The following ISCA1 variants were observed in gnomAD, a reference collection of about 807,000 sequenced individuals.
The protein encoded by ISCA1 is iron-sulfur cluster assembly 1 homolog, mitochondrial.
In ISCA1, 9 loss-of-function variants were observed where a neutral mutation model predicts 14.7. That is an observed-to-expected ratio of 0.61 (90% CI 0.37 to 1.07). The LOEUF (loss-of-function observed/expected upper bound fraction) is 1.07, where lower values mean the gene tolerates loss of function less well. Ranked by LOEUF, ISCA1 falls within the 50% of genes least tolerant of loss-of-function variation. The pLI is 0.01. For synonymous variants in ISCA1, 38 were observed against 54.3 expected, an observed-to-expected ratio of 0.70 and a Z score of 1.32; for missense variants, 102 against 150.1, an observed-to-expected ratio of 0.68 and a Z score of 1.67.
chr9:86,269,916 C>A (rs537265138), intron 3 of ISCA1, among the ~76,000 whole-genome samples: 8 of 152,304 alleles, frequency 5.3e-5, no homozygotes, highest in Non-Finnish European at 1.0e-4. Context: ...TGGATCCCTT[C>A]CTTACACCTT....
intron 1 of ISCA1, among the ~76,000 whole-genome samples, chr9:86,280,624 A>G (rs1333730199): frequency 6.7e-6 from 1 of 149,136 alleles, no homozygotes; most frequent in Non-Finnish European, 1.5e-5. Flanking sequence ...AGAAATTCTG[A>G]AGGAAGAGGT....
chr9:86,282,012 C>T (rs1054625411), intron 1 of ISCA1: 3 of 215,878 alleles, frequency 1.4e-5, no homozygotes, highest in Non-Finnish European at 2.8e-5. Context: ...CCCCCGCCAC[C>T]GGGCACGTTC....
intron 1 of ISCA1, among the ~76,000 whole-genome samples, chr9:86,276,255 T>C (rs1422852206): frequency 6.6e-6 from 1 of 152,020 alleles, no homozygotes; most frequent in Non-Finnish European, 1.5e-5. Context: ...TTTGTGCTCC[T>C]ATGAGAATCT....
At position 86,265,148 on chromosome 9, in the gene ISCA1, TA is replaced by T. The variant is rs1825279166; in HGVS notation, c.*894del. ...AAATAATATAATCTCTATCAAATTATAAAGAAATTCTATCAAAATGTTGACC... is the reference window on the plus strand; with the variant it reads ...AAATAATATAATCTCTATCAAATTATAAGAAATTCTATCAAAATGTTGACC... On this transcript the variant is annotated 3_prime_UTR_variant, in exon 4 of 4. Transcript: ENST00000375991. 6.6e-6 allele frequency: 1 copy of T among 152,222 alleles called. No homozygotes were observed. Among genetic ancestry groups the T allele is most frequent in the Non-Finnish European group, 1.5e-5 (1 of 68,028 alleles). The allele number at this position is 152,222 out of a possible 1,614,324, so 9.4% of individuals were successfully genotyped here.
chr9:86,269,905 G>C (rs887601757), intron 3 of ISCA1, among the ~76,000 whole-genome samples: 3 of 152,200 alleles, frequency 2.0e-5, no homozygotes, highest in Admixed American at 6.5e-5. Context: ...AAAGCTGAAA[G>C]TGGATCCCTT....
chr9:86,279,636 C>T (rs1825484404), intron 1 of ISCA1, among the ~76,000 whole-genome samples: 1 of 152,178 alleles, frequency 6.6e-6, no homozygotes, highest in Non-Finnish European at 1.5e-5. Context: ...ATCAGTTTTA[C>T]TGAATTAGGT....
intron 1 of ISCA1, among the ~76,000 whole-genome samples, chr9:86,278,583 T>C (rs900742971): frequency 1.3e-5 from 2 of 152,024 alleles, no homozygotes; most frequent in Non-Finnish European, 2.9e-5. Flanking sequence ...GGTGAAAGGA[T>C]TGCTTGAGCC....
intron 2 of ISCA1, among the ~76,000 whole-genome samples, chr9:86,273,774 C>T (rs1030446871): frequency 2.6e-5 from 4 of 152,218 alleles, no homozygotes; most frequent in African/African-American, 7.2e-5. Flanking sequence ...CTCTCCGTAT[C>T]GGTGGGTTCC....
chr9:86,272,615 A>T (rs971603927), intron 2 of ISCA1, among the ~76,000 whole-genome samples: 1 of 152,244 alleles, frequency 6.6e-6, no homozygotes, highest in African/African-American at 2.4e-5. Context: ...TTCAAACAGT[A>T]TCTACCTAAG....
At chr9:86,272,196 C>T (rs916613443) in intron 2 of ISCA1, 84 bp from the exon 3 acceptor site, 28 of 834,048 alleles carry the variant, frequency 3.4e-5, no homozygotes, top group South Asian at 1.5e-4. Context: ...GTAGCCTCCT[C>T]GTACCAAAAT....
intron 2 of ISCA1, among the ~76,000 whole-genome samples, chr9:86,273,923 C>A (rs1186222216): frequency 6.6e-6 from 1 of 152,118 alleles, no homozygotes; most frequent in African/African-American, 2.4e-5. Flanking sequence ...CAGGTCTAGC[C>A]GCTTCAAATG....
chr9:86,281,117 G>C (rs1354126673), intron 1 of ISCA1, among the ~76,000 whole-genome samples: 1 of 152,126 alleles, frequency 6.6e-6, no homozygotes, highest in Non-Finnish European at 1.5e-5. Flanking sequence ...GAGACACAAA[G>C]AATGAGTTGT....
At chr9:86,270,875 T>C (rs1267690679) in intron 3 of ISCA1, among the ~76,000 whole-genome samples, 3 of 139,800 alleles carry the variant, frequency 2.1e-5, no homozygotes, top group African/African-American at 5.4e-5. Context: ...TTCTCACTCA[T>C]AGATGGGAAT....
At position 86,264,936 on chromosome 9, in the gene ISCA1, A is replaced by T. The variant is rs1825276626; in HGVS notation, c.*1107T>A. 6.6e-6 allele frequency: 1 copy of T among 152,246 alleles called. No individual in the cohort carries two copies. The highest frequency in any genetic ancestry group is 1.5e-5 in the Non-Finnish European group (1 of 68,042). The allele number at this position is 152,246 out of a possible 1,614,324, so 9.4% of individuals were successfully genotyped here. ...ACTGGACCGAGGAACCAGAAAATGT[A>T]TGCACACTGGGAATTTTAACAAAAG... On this transcript the variant is annotated 3_prime_UTR_variant, in exon 4 of 4. Transcript: ENST00000375991.
At position 86,266,048 on chromosome 9, in the gene ISCA1, T is replaced by C; in HGVS notation, c.385A>G (p.Ile129Val). 3.1e-6 allele frequency: 5 copies of C among 1,611,884 alleles called. No individual in the cohort carries two copies. Among genetic ancestry groups the C allele is most frequent in the Non-Finnish European group, 3.4e-6 (4 of 1,179,784 alleles). The change falls in exon 4 of 4, where the codon ATT becomes GTT. Residue 129 changes from isoleucine to valine, a missense_variant. By Grantham distance (29) the Ile-to-Val change is conservative (BLOSUM62 3). Transcript: ENST00000375991. ...GCCAGAAGAGTCCTGAGATTTCAAA[T>C]ATTAAAGCTTTCTCCACAGCCACAA... ...GTCGCGESFN[I>V]
rs187153064 is a variant in ISCA1, at chr9:86,278,929, C to A, written c.81+3449G>T. Reference sequence around the variant, plus strand: ...TTATAACGCTGAAACTTAAAAAAAACCATAATTTACAATGACTACATCCTT... The same window carrying A: ...TTATAACGCTGAAACTTAAAAAAAAACATAATTTACAATGACTACATCCTT... On this transcript the variant is annotated intron_variant, in intron 1 of 3. Coordinates refer to ENST00000375991, the MANE Select transcript of ISCA1 (RefSeq NM_030940.4). Among the ~76,000 whole-genome samples, 731 of 152,200 alleles carry A rather than the reference C, an allele frequency of 4.8e-3. 2 individuals carry two copies. The highest frequency in any genetic ancestry group is 0.015 in the Admixed American group (232 of 15,280).
chr9:86,266,733 CT>C (rs999523835), intron 3 of ISCA1: 49 of 146,518 alleles, frequency 3.3e-4, no homozygotes, highest in East Asian at 7.9e-4. Context: ...TAAATACAAT[CT>C]TTTTTTTTTT....
intron 1 of ISCA1, chr9:86,282,066 G>C: frequency 2.6e-6 from 1 of 389,628 alleles, no homozygotes. Flanking sequence ...AGGCCGGCAG[G>C]AGTGTGGAGG....
At chr9:86,276,939 C>T (rs1053403668) in intron 1 of ISCA1, among the ~76,000 whole-genome samples, 3 of 137,582 alleles carry the variant, frequency 2.2e-5, no homozygotes, top group Non-Finnish European at 3.1e-5. Context: ...AAATCTGAAA[C>T]GTGGTCTTGG....
Sources: allele counts gnomAD v4.1 joint callset (sites outside exome capture counted in the v4.1 genomes callset), GRCh38; gene constraint gnomAD v4.1.1; transcripts MANE v1.5; gene names NCBI Gene and HGNC (gene_info 2026-07-23, HGNC 2026-07-21).